REEP1: variants seen among roughly 807,000 people sequenced by gnomAD.
The protein encoded by REEP1 is receptor accessory protein 1.
A neutral mutation model predicts 40.3 loss-of-function variants in REEP1; 22 were observed. That is an observed-to-expected ratio of 0.55 (90% confidence interval 0.39 to 0.78). The LOEUF (loss-of-function observed/expected upper bound fraction) is 0.78, where lower values mean the gene tolerates loss of function less well. REEP1 is among the 30% of genes least tolerant of loss of function. The pLI is 0.00. For missense variants in REEP1, 280 were observed against 361.1 expected (o/e 0.78, Z 1.82); for synonymous variants, 116 against 139.2 (o/e 0.83, Z 1.17).
intron 5 of REEP1, among the ~76,000 whole-genome samples, chr2:86,249,605 T>A (rs1676157714): frequency 6.6e-6 from 1 of 151,730 alleles, no homozygotes; most frequent in Non-Finnish European, 1.5e-5. Flanking sequence ...ATTCAGCACA[T>A]CTGAGAATCT....
At chr2:86,288,032 A>ATTTTTTTTTTT (rs1558916457) in intron 1 of REEP1, among the ~76,000 whole-genome samples, 3 of 149,754 alleles carry the variant, frequency 2.0e-5, no homozygotes, top group African/African-American at 7.6e-5. Context: ...TATTTTTATT[A>ATTTTTTTTTTT]TTTTTTTGAG....
intron 5 of REEP1, among the ~76,000 whole-genome samples, chr2:86,242,628 C>T (rs1007660332): frequency 3.3e-5 from 5 of 152,132 alleles, no homozygotes; most frequent in Non-Finnish European, 4.4e-5. Context: ...CTGGAAACAG[C>T]GCTCAGAGTT....
chr2:86,321,402 A>G (rs1210408706), intron 1 of REEP1, among the ~76,000 whole-genome samples: 1 of 152,208 alleles, frequency 6.6e-6, no homozygotes, highest in Non-Finnish European at 1.5e-5. Flanking sequence ...CATTTAAGAA[A>G]GACATCCAAT....
intron 1 of REEP1, among the ~76,000 whole-genome samples, chr2:86,291,415 G>A (rs1678685906): frequency 1.3e-5 from 2 of 152,118 alleles, no homozygotes; most frequent in Admixed American, 1.3e-4. Context: ...AAACAGAAAC[G>A]AGACATGTTC....
intron 5 of REEP1, among the ~76,000 whole-genome samples, chr2:86,240,834 G>A (rs1038053117): frequency 9.9e-5 from 15 of 152,194 alleles, no homozygotes; most frequent in Admixed American, 9.2e-4. Flanking sequence ...CAGCAGGCAC[G>A]TGGTTATCTG....
At chr2:86,221,517 C>T (rs1033160730) in intron 7 of REEP1, among the ~76,000 whole-genome samples, 4 of 152,170 alleles carry the variant, frequency 2.6e-5, no homozygotes, top group African/African-American at 9.7e-5. Context: ...ACCAGTGACT[C>T]CAGGGAGCCC....
At chr2:86,290,106 C>A (rs540463017) in intron 1 of REEP1, among the ~76,000 whole-genome samples, 81 of 152,304 alleles carry the variant, frequency 5.3e-4, no homozygotes, top group Non-Finnish European at 2.9e-5. Flanking sequence ...AAGCTATTTT[C>A]CTGCCTCAGT....
chr2:86,279,920 A>C (rs1677973822), intron 2 of REEP1: 1 of 455,452 alleles, frequency 2.2e-6, no homozygotes, highest in Non-Finnish European at 4.4e-6. Flanking sequence ...GTAATTTGTA[A>C]TGGTGACAAT....
chr2:86,293,884 A>G (rs1315103608), intron 1 of REEP1, among the ~76,000 whole-genome samples: 1 of 152,248 alleles, frequency 6.6e-6, no homozygotes, highest in African/African-American at 2.4e-5. Flanking sequence ...CAATAGCCAA[A>G]AGATGGAAGC....
At position 86,215,266 on chromosome 2, in the gene REEP1, A is replaced by G. The variant is rs750037596; in HGVS notation, c.*1773T>C. The G allele has an allele frequency of 2.0e-5, 3 of 152,160 alleles. No individual in the cohort carries two copies. Among genetic ancestry groups the G allele is most frequent in the Non-Finnish European group, 2.9e-5 (2 of 68,040 alleles). 9.4% of individuals were successfully genotyped at this position (152,160 alleles called of 1,614,324 possible). On this transcript the variant is annotated 3_prime_UTR_variant, in exon 9 of 9. Coordinates refer to ENST00000538924, the MANE Select transcript of REEP1 (RefSeq NM_001371279.1). Reference sequence around the variant, plus strand: ...AATTCGCTTTTAGGTATATTTTCCTATACCCTTTTGCAAATTACAAAATCA... The same window carrying G: ...AATTCGCTTTTAGGTATATTTTCCTGTACCCTTTTGCAAATTACAAAATCA...
chr2:86,267,658 C>G (rs1213328852), intron 2 of REEP1, among the ~76,000 whole-genome samples: 2 of 151,990 alleles, frequency 1.3e-5, no homozygotes, highest in Non-Finnish European at 2.9e-5. Flanking sequence ...TGCCCTTCAG[C>G]CAGGGCAACA....
At position 86,214,657 on chromosome 2, in the gene REEP1, A is replaced by G. The variant is rs926231723; in HGVS notation, c.*2382T>C. On this transcript the variant is annotated 3_prime_UTR_variant, in exon 9 of 9. Transcript: ENST00000538924. The stretch of plus-strand genomic sequence containing the variant: ...TACACAAATGTACAACTTGTCAGAT[A>G]CGTAAACACATTTTGCCAGAAATAT... 3 of 152,588 alleles carry G rather than the reference A, an allele frequency of 2.0e-5. No individual in the cohort carries two copies. Among genetic ancestry groups the G allele is most frequent in the Non-Finnish European group, 4.4e-5 (3 of 67,984 alleles). The allele number at this position is 152,588 out of a possible 1,614,324, so 9.5% of individuals were successfully genotyped here. A position where few individuals can be genotyped will look rare whatever the true frequency, so the allele number is the denominator to read the frequency against.
At chr2:86,281,353 C>T (rs1200538496) in intron 2 of REEP1, among the ~76,000 whole-genome samples, 1 of 152,162 alleles carries the variant, frequency 6.6e-6, no homozygotes, top group Non-Finnish European at 1.5e-5. Flanking sequence ...ATATAGGGGC[C>T]GGGCACTGTG....
At chr2:86,333,940 G>C (rs558797728) in intron 1 of REEP1, among the ~76,000 whole-genome samples, 93 of 152,278 alleles carry the variant, frequency 6.1e-4, no homozygotes, top group African/African-American at 2.2e-3. Flanking sequence ...ATCTCAAACT[G>C]GTCCTCACTC....
chr2:86,234,184 G>A (rs1034631246), intron 5 of REEP1, among the ~76,000 whole-genome samples: 4 of 151,926 alleles, frequency 2.6e-5, no homozygotes, highest in Non-Finnish European at 5.9e-5. Context: ...TCATTAGAGG[G>A]GAGGGGGAAA....
intron 1 of REEP1, among the ~76,000 whole-genome samples, chr2:86,332,011 C>A (rs1286330612): frequency 6.6e-6 from 1 of 152,126 alleles, no homozygotes; most frequent in Non-Finnish European, 1.5e-5. Flanking sequence ...CTTCTGAAAT[C>A]CCTACTGTGT....
chr2:86,287,456 T>C (rs1022371284), intron 1 of REEP1, among the ~76,000 whole-genome samples: 1 of 152,224 alleles, frequency 6.6e-6, no homozygotes, highest in Admixed American at 6.5e-5. Context: ...TTCCAATTCA[T>C]GAAGGCACAG....
In REEP1 at chr2:86,239,166, T is replaced by C. The variant is rs1417593118; in HGVS notation, c.418-6364A>G. 7.7e-5 allele frequency among the ~76,000 whole-genome samples: 10 copies of C among 130,146 alleles called. No homozygotes were observed. In the Admixed American group the frequency reaches 9.7e-4, roughly 13 times the overall value. The allele number at this position is 130,146 out of a possible 152,430, so 85.4% of individuals were successfully genotyped here. On this transcript the variant is annotated intron_variant, in intron 5 of 8. Coordinates refer to ENST00000538924, the MANE Select transcript of REEP1 (RefSeq NM_001371279.1). ...AGGTCACCCTGAGGACCTCATTTTGTGAATATACAGTGTGCATGATGCTGA... is the reference window on the plus strand; with the variant it reads ...AGGTCACCCTGAGGACCTCATTTTGCGAATATACAGTGTGCATGATGCTGA...
Position 86,282,181 on chromosome 2 carries a change from T to A in REEP1, c.94A>T (p.Ile32Phe). 5 of 1,608,880 alleles carry A rather than the reference T, an allele frequency of 3.1e-6. No individual in the cohort carries two copies. Among genetic ancestry groups the A allele is most frequent in the Non-Finnish European group, 4.3e-6 (5 of 1,175,296 alleles). ...YSYKAVKSKD[I>F]KEYVKWMMYW... is the part of the protein sequence containing the mutation. ...ACAGTGCTACTTACATATTCCTTAATGTCCTTTGATTTCACAGCCTTGTAG... is the reference window on the plus strand; with the variant it reads ...ACAGTGCTACTTACATATTCCTTAAAGTCCTTTGATTTCACAGCCTTGTAG... The change falls in exon 2 of 9, where the codon ATT becomes TTT. Residue 32 changes from isoleucine to phenylalanine, a missense_variant. Physicochemically the swap from Ile to Phe is conservative, Grantham distance 21. Transcript: ENST00000538924.
Sources: allele counts gnomAD v4.1 joint callset (sites outside exome capture counted in the v4.1 genomes callset), GRCh38; gene constraint gnomAD v4.1.1; transcripts MANE v1.5; gene names NCBI Gene and HGNC (gene_info 2026-07-23, HGNC 2026-07-21).